Variants in FANCE observed in about 807,000 individuals in gnomAD.
The protein encoded by FANCE is FA complementation group E.
FANCE carries 42 observed loss-of-function variants against 57.8 expected under a neutral mutation model. The observed-to-expected ratio is 0.73, with a 90% CI of 0.57 to 0.94. The LOEUF (loss-of-function observed/expected upper bound fraction) is 0.94, where lower values mean the gene tolerates loss of function less well. Ranked by LOEUF, FANCE falls within the 40% of genes least tolerant of loss-of-function variation. The probability of loss-of-function intolerance (pLI) is 0.00; values close to 1 mark genes in which losing one functional copy is unlikely to be tolerated. For missense variants in FANCE, 608 were observed against 661.8 expected (o/e 0.92, Z 0.89); for synonymous variants, 251 against 286.4 (o/e 0.88, Z 1.25).
Position 35,452,531 on chromosome 6 carries a change from C to T in FANCE, c.-15C>T. On this transcript the variant is annotated 5_prime_UTR_variant, in exon 1 of 10. Coordinates refer to ENST00000229769, the MANE Select transcript of FANCE (RefSeq NM_021922.3). ...CACACCAGAGTAGGGGGCGGCGCGGCACCCGTGCCCCGGCATGGCGACACC... is the reference window on the plus strand; with the variant it reads ...CACACCAGAGTAGGGGGCGGCGCGGTACCCGTGCCCCGGCATGGCGACACC... 1 of 1,294,310 alleles carries T rather than the reference C, an allele frequency of 7.7e-7. No individual in the cohort carries two copies. The highest frequency in any genetic ancestry group is 9.8e-7 in the Non-Finnish European group (1 of 1,018,824). 80.2% of individuals were successfully genotyped at this position (1,294,310 alleles called of 1,614,324 possible). A position where few individuals can be genotyped will look rare whatever the true frequency, so the allele number is the denominator to read the frequency against.
At chr6:35,458,814 T>C (rs1767465625) in intron 5 of FANCE, among the ~76,000 whole-genome samples, 1 of 152,056 alleles carries the variant, frequency 6.6e-6, no homozygotes, top group African/African-American at 2.4e-5. Context: ...GGAGTCTTGC[T>C]CTGTCACTCA....
rs550037834 is a variant in FANCE at position 35,458,288 on chromosome 6, T to G, written c.970-9T>G. ...CGGTGTCCTCTCTCCCCCCGCACTC[T>G]GTAAGCAGATGGACTTGCTGTGTGC... On this transcript the variant is annotated splice_polypyrimidine_tract_variant and intron_variant, in intron 4 of 9. Transcript: ENST00000229769. 43 of 1,613,638 alleles carry G rather than the reference T, an allele frequency of 2.7e-5. No individual in the cohort carries two copies. In the South Asian group the frequency reaches 4.7e-4, roughly 18 times the overall value.
chr6:35,455,713 A>G, intron 1 of FANCE, 34 bp from the exon 2 acceptor site: 3 of 1,611,950 alleles, frequency 1.9e-6, no homozygotes, highest in Admixed American at 1.7e-5. Context: ...CTTCAGCCAA[A>G]CACTTAACTG....
chr6:35,457,985 G>C lies in FANCE; in HGVS notation c.969+1G>C. The C allele has an allele frequency of 1.2e-6, 2 of 1,613,756 alleles. No individual in the cohort carries two copies. Among genetic ancestry groups the C allele is most frequent in the Non-Finnish European group, 1.7e-6 (2 of 1,179,636 alleles). ...TCTTCACGAATGTAGTCCCAGCCAG[G>C]TGAGTCCAGATGACTGCCTGGCTCT... On this transcript the variant is annotated splice_donor_variant, in intron 4 of 9. Transcript: ENST00000229769. LOFTEE classifies it high-confidence loss of function.
intron 8 of FANCE, among the ~76,000 whole-genome samples, chr6:35,460,925 T>TC (rs1226245910): frequency 6.6e-6 from 1 of 151,732 alleles, no homozygotes; most frequent in East Asian, 1.9e-4. Flanking sequence ...TTCACAAATT[T>TC]TTTTTTTTTT....
chr6:35,462,942 G>T lies in FANCE; in HGVS notation c.1509+28G>T, dbSNP rs753609486. 7.4e-6 allele frequency: 12 copies of T among 1,613,650 alleles called. No homozygotes were observed. The East Asian group carries it at 2.2e-4, about 30-fold the overall frequency. ...GAGTATTGATAGGGCCTTGGGGCTG[G>T]TCCTGCTGGCAGGGCTGCCCTGGGC... On this transcript the variant is annotated intron_variant, in intron 9 of 9. Transcript: ENST00000229769.
chr6:35,463,251 A>G (rs571377212), intron 9 of FANCE, among the ~76,000 whole-genome samples: 1 of 152,236 alleles, frequency 6.6e-6, no homozygotes, highest in Admixed American at 6.5e-5. Context: ...GTGAGCTGAG[A>G]TCATGCTACT....
Position 35,457,913 on chromosome 6 carries a change from C to A in FANCE, c.901-3C>A, listed in dbSNP as rs771073269. 6.8e-6 allele frequency: 11 copies of A among 1,613,840 alleles called. No individual in the cohort carries two copies. Among genetic ancestry groups the A allele is most frequent in the Non-Finnish European group, 9.3e-6 (11 of 1,179,752 alleles). ...AGCCCTAACATGAGATTTGTCTCCCCAGGGGTTAGAGGGATTGGAGGATGC... is the reference window on the plus strand; with the variant it reads ...AGCCCTAACATGAGATTTGTCTCCCAAGGGGTTAGAGGGATTGGAGGATGC... On this transcript the variant is annotated splice_region_variant and splice_polypyrimidine_tract_variant and intron_variant, in intron 3 of 9. Coordinates refer to ENST00000229769, the MANE Select transcript of FANCE (RefSeq NM_021922.3).
At chr6:35,457,704 G>A in intron 3 of FANCE, 104 bp downstream of exon 3, 1 of 1,355,598 alleles carries the variant, frequency 7.4e-7, no homozygotes, top group Middle Eastern at 1.8e-4. Flanking sequence ...AGCTGGCTGG[G>A]GGAGGGGGAC....
rs1045890454 is a variant in FANCE, at chr6:35,452,468, G to A, written c.-78G>A. 1.7e-6 allele frequency: 2 copies of A among 1,196,520 alleles called. No homozygotes were observed. Among genetic ancestry groups the A allele is most frequent in the Admixed American group, 8.8e-5 (2 of 22,820 alleles). The allele number at this position is 1,196,520 out of a possible 1,614,324, so 74.1% of individuals were successfully genotyped here. On this transcript the variant is annotated 5_prime_UTR_variant, in exon 1 of 10. Transcript: ENST00000229769. ...CCACCGCCGCGTCAGGGACGGCGCT[G>A]GAGTCCTCCGTTCCCCTCAGCCTCT...
At chr6:35,454,438 T>C (rs1047746469) in intron 1 of FANCE, among the ~76,000 whole-genome samples, 4 of 151,654 alleles carry the variant, frequency 2.6e-5, no homozygotes, top group Non-Finnish European at 5.9e-5. Context: ...AATAGTTGTC[T>C]TTTTTTTTCT....
chr6:35,453,944 C>G (rs1767214990), intron 1 of FANCE, among the ~76,000 whole-genome samples: 1 of 152,212 alleles, frequency 6.6e-6, no homozygotes, highest in Non-Finnish European at 1.5e-5. Flanking sequence ...TCATTCTGAT[C>G]ACAGGTCTCT....
intron 5 of FANCE, among the ~76,000 whole-genome samples, chr6:35,458,978 G>A (rs1436168066): frequency 1.3e-5 from 2 of 151,918 alleles, no homozygotes; most frequent in East Asian, 1.9e-4. Flanking sequence ...ACTGGGTTTC[G>A]CCACGTTGCC....
At chr6:35,455,596 T>G in intron 1 of FANCE, 151 bp from the exon 2 acceptor site, 5 of 926,662 alleles carry the variant, frequency 5.4e-6, no homozygotes, top group Non-Finnish European at 8.7e-6. Flanking sequence ...CAGGTGTGAG[T>G]CACCACACCT....
intron 6 of FANCE, 85 bp downstream of exon 6, chr6:35,459,539 T>A: frequency 1.2e-6 from 2 of 1,606,468 alleles, no homozygotes; most frequent in Non-Finnish European, 8.5e-7. Flanking sequence ...CTGGCAGGAG[T>A]TGGGTATTCA....
intron 3 of FANCE, 72 bp downstream of exon 3, chr6:35,457,672 A>G (rs1767404011): frequency 1.9e-6 from 3 of 1,538,476 alleles, no homozygotes; most frequent in Non-Finnish European, 2.7e-6. Context: ...TGCCCAAGGA[A>G]GGCCCAATGC....
At chr6:35,464,038 G>A (rs994610629) in intron 9 of FANCE, among the ~76,000 whole-genome samples, 1 of 152,042 alleles carries the variant, frequency 6.6e-6, no homozygotes, top group African/African-American at 2.4e-5. Flanking sequence ...AAAAGATACA[G>A]TGTGAGCAGT....
At chr6:35,465,436 C>T (rs1326611884) in intron 9 of FANCE, among the ~76,000 whole-genome samples, 2 of 152,206 alleles carry the variant, frequency 1.3e-5, no homozygotes, top group Non-Finnish European at 2.9e-5. Flanking sequence ...CTCGGCCTCC[C>T]AAAGTGCTGG....
intron 6 of FANCE, 56 bp from the exon 7 acceptor site, chr6:35,459,626 T>C: frequency 1.9e-6 from 3 of 1,590,230 alleles, no homozygotes; most frequent in Non-Finnish European, 2.6e-6. Context: ...CTCCCTGCTT[T>C]CTGCTGTCTT....
Sources: gnomAD v4.1 joint callset for allele counts (sites outside exome capture counted in the v4.1 genomes callset) on GRCh38, gnomAD v4.1.1 for gene constraint, MANE v1.5 for transcripts, NCBI Gene and HGNC (gene_info 2026-07-23, HGNC 2026-07-21) for gene names.